RAB27B: variants seen among roughly 807,000 people sequenced by gnomAD.
The protein encoded by RAB27B is ras-related protein Rab-27B.
Under a neutral mutation model 24.6 loss-of-function variants are expected in RAB27B, and 15 were observed. That is an observed-to-expected ratio of 0.61 (90% confidence interval 0.41 to 0.94). The LOEUF (loss-of-function observed/expected upper bound fraction) is 0.94, where lower values mean the gene tolerates loss of function less well. Among genes scored for constraint, RAB27B ranks in the 40% least tolerant of loss-of-function variants. The pLI is 0.00. For synonymous variants in RAB27B, 105 were observed against 92.5 expected, an observed-to-expected ratio of 1.14 and a Z score of -0.78; for missense variants, 261 against 266.8, an observed-to-expected ratio of 0.98 and a Z score of 0.15.
intron 2 of RAB27B, among the ~76,000 whole-genome samples, chr18:54,746,794 GTGTGTTAAATA>G (rs1274204399): frequency 6.6e-6 from 1 of 152,150 alleles, no homozygotes; most frequent in Non-Finnish European, 1.5e-5. Flanking sequence ...AATGGCTGGT[GTGTGTTAAATA>G]CTTAATGCAT....
At chr18:54,808,967 C>T (rs1909879048) in intron 2 of RAB27B, among the ~76,000 whole-genome samples, 1 of 152,110 alleles carries the variant, frequency 6.6e-6, no homozygotes, top group Admixed American at 6.6e-5. Context: ...AAAGATGTAA[C>T]CCAGTGTCCA....
intron 1 of RAB27B, among the ~76,000 whole-genome samples, chr18:54,869,482 C>T (rs1175734378): frequency 1.3e-5 from 2 of 152,148 alleles, no homozygotes; most frequent in Admixed American, 6.5e-5. Flanking sequence ...TCCAGATTTT[C>T]AAGGTTCACT....
chr18:54,808,303 G>A (rs1296250215), intron 2 of RAB27B, among the ~76,000 whole-genome samples: 2 of 152,076 alleles, frequency 1.3e-5, no homozygotes, highest in Non-Finnish European at 2.9e-5. Flanking sequence ...AGGCTGCTGT[G>A]GTCTCATGGC....
chr18:54,794,860 A>G (rs1433971310), intron 2 of RAB27B, among the ~76,000 whole-genome samples: 1 of 152,194 alleles, frequency 6.6e-6, no homozygotes, highest in Non-Finnish European at 1.5e-5. Flanking sequence ...TAGAAACAAG[A>G]CCAGCAATCC....
intron 2 of RAB27B, among the ~76,000 whole-genome samples, chr18:54,783,969 A>G (rs560475910): frequency 2.0e-5 from 3 of 152,294 alleles, no homozygotes; most frequent in Admixed American, 1.3e-4. Context: ...ATGTTACCCA[A>G]ATATGTTTGC....
chr18:54,789,784 A>G (rs1909193511), intron 2 of RAB27B, among the ~76,000 whole-genome samples: 1 of 152,084 alleles, frequency 6.6e-6, no homozygotes, highest in African/African-American at 2.4e-5. Flanking sequence ...CATCCTTCCT[A>G]TTTCATTTTT....
At chr18:54,787,334 A>G (rs1226999426) in intron 2 of RAB27B, among the ~76,000 whole-genome samples, 1 of 152,212 alleles carries the variant, frequency 6.6e-6, no homozygotes, top group African/African-American at 2.4e-5. Context: ...TCTTTCCTAC[A>G]GGAACCACGT....
rs150078147 is a variant in RAB27B, at chr18:54,753,178, G to A, written c.-20+35037G>A. Among the ~76,000 whole-genome samples the A allele has an allele frequency of 5.0e-3, 758 of 152,168 alleles. 7 individuals are homozygous for A. The highest frequency in any genetic ancestry group is 0.017 in the African/African-American group (714 of 41,514). On this transcript the variant is annotated intron_variant, in intron 2 of 4. Coordinates refer to the RAB27B transcript ENST00000586570. ...GCATGTGAGATATTAAATACATTTG[G>A]GGGTCACAAGATTAAAGGGATCATT...
intron 3 of RAB27B, among the ~76,000 whole-genome samples, chr18:54,881,374 T>C (rs1420765): frequency 0.97 from 147,465 of 152,022 alleles, 71,694 homozygotes; most frequent in Non-Finnish European, 1. Context: ...CAGTTATCTC[T>C]GCATTCTATC....
chr18:54,887,883 T>G, intron 4 of RAB27B, 112 bp from the exon 5 acceptor site: 1 of 1,330,734 alleles, frequency 7.5e-7, no homozygotes, highest in Non-Finnish European at 1.0e-6. Flanking sequence ...ATATAACTAG[T>G]AAGCAACCAA....
At chr18:54,727,715 C>A (rs931471936) in intron 2 of RAB27B, among the ~76,000 whole-genome samples, 2 of 152,130 alleles carry the variant, frequency 1.3e-5, no homozygotes, top group East Asian at 3.9e-4. Context: ...ATTATTTTTT[C>A]CTTTTAATAT....
At chr18:54,817,994 C>G (rs1409358207) in intron 2 of RAB27B, among the ~76,000 whole-genome samples, 1 of 152,078 alleles carries the variant, frequency 6.6e-6, no homozygotes, top group East Asian at 1.9e-4. Flanking sequence ...TATTGAGCCC[C>G]CATTGAAGTC....
intron 2 of RAB27B, among the ~76,000 whole-genome samples, chr18:54,792,580 AAATT>A (rs1327266583): frequency 6.6e-6 from 1 of 152,214 alleles, no homozygotes; most frequent in Non-Finnish European, 1.5e-5. Flanking sequence ...GATAGTGAAT[AAATT>A]GAATAGACCC....
chr18:54,837,316 G>A (rs1316254962), intron 1 of RAB27B, among the ~76,000 whole-genome samples: 2 of 152,054 alleles, frequency 1.3e-5, no homozygotes, highest in African/African-American at 2.4e-5. Flanking sequence ...GGAATAATTA[G>A]CGAGGGTGGG....
chr18:54,832,944 A>T (rs1260832962), intron 1 of RAB27B, among the ~76,000 whole-genome samples: 1 of 152,242 alleles, frequency 6.6e-6, no homozygotes, highest in African/African-American at 2.4e-5. Flanking sequence ...GAGAATTGAA[A>T]AGAGGCCCCC....
At chr18:54,787,239 A>T (rs540537224) in intron 2 of RAB27B, among the ~76,000 whole-genome samples, 2 of 152,152 alleles carry the variant, frequency 1.3e-5, no homozygotes, top group African/African-American at 4.8e-5. Flanking sequence ...TTTCCTTCTC[A>T]TGCAGAATTA....
intron 1 of RAB27B, among the ~76,000 whole-genome samples, chr18:54,855,219 G>A (rs942117182): frequency 2.6e-5 from 4 of 152,134 alleles, no homozygotes; most frequent in Non-Finnish European, 5.9e-5. Context: ...CTGACAGGAG[G>A]TGGAGCTCAG....
At chr18:54,822,553 A>G (rs941616209) in intron 2 of RAB27B, among the ~76,000 whole-genome samples, 8 of 152,226 alleles carry the variant, frequency 5.3e-5, no homozygotes, top group Admixed American at 4.6e-4. Context: ...TTTTATATGG[A>G]TTTGCATATG....
At chr18:54,807,582 C>T (rs763949991) in intron 2 of RAB27B, among the ~76,000 whole-genome samples, 7 of 152,152 alleles carry the variant, frequency 4.6e-5, no homozygotes, top group Non-Finnish European at 1.0e-4. Flanking sequence ...ATCTGGTTGC[C>T]AGCTATGGAA....
Sources: allele counts gnomAD v4.1 joint callset (sites outside exome capture counted in the v4.1 genomes callset), GRCh38; gene constraint gnomAD v4.1.1; transcripts MANE v1.5; gene names NCBI Gene and HGNC (gene_info 2026-07-23, HGNC 2026-07-21).